Variants in DENND2B observed in about 807,000 individuals in gnomAD.
DENND2B encodes DENN domain containing 2B, also known as DENN domain-containing protein 2B.
In DENND2B, 32 loss-of-function variants were observed where a neutral mutation model predicts 116.0. The ratio of observed to expected loss-of-function variants is 0.28; its 90% CI spans 0.21 to 0.37. The LOEUF (loss-of-function observed/expected upper bound fraction) is 0.37, where lower values mean the gene tolerates loss of function less well. Ranked by LOEUF, DENND2B falls within the 10% of genes least tolerant of loss-of-function variation. DENND2B has a pLI of 1.00. For missense variants in DENND2B, 1,276 were observed against 1,477.7 expected (o/e 0.86, Z 2.24); for synonymous variants, 588 against 583.9 (o/e 1.01, Z -0.10).
At chr11:8,896,811 T>C (rs965953353) in intron 1 of DENND2B, among the ~76,000 whole-genome samples, 4 of 152,282 alleles carry the variant, frequency 2.6e-5, no homozygotes, top group African/African-American at 7.2e-5. Context: ...TAAGATACGA[T>C]GTTTTCAGAT....
Position 8,698,994 on chromosome 11 carries a change from G to A in DENND2B, c.2899-20C>T. 6.2e-7 allele frequency: 1 copy of A among 1,613,970 alleles called. No homozygotes were observed. Among genetic ancestry groups the A allele is most frequent in the Non-Finnish European group, 8.5e-7 (1 of 1,179,944 alleles). On this transcript the variant is annotated intron_variant, in intron 15 of 19. Coordinates refer to ENST00000313726, the MANE Select transcript of DENND2B (RefSeq NM_213618.2). ...CAGCGCCTGAGAAAAGGAGTCATTA[G>A]CAGAGTGGCTCAGGGCATGAGTCCC...
At chr11:8,701,347 G>T (rs1372338031) in intron 14 of DENND2B, among the ~76,000 whole-genome samples, 3 of 44,402 alleles carry the variant, frequency 6.8e-5, no homozygotes, top group Non-Finnish European at 1.6e-4. Flanking sequence ...CAGCTTCCGG[G>T]GGGGGGGGGG....
chr11:8,722,124 G>A (rs1396750237), intron 4 of DENND2B, among the ~76,000 whole-genome samples: 3 of 152,206 alleles, frequency 2.0e-5, no homozygotes, highest in Admixed American at 6.5e-5. Flanking sequence ...CTTTCTTTCC[G>A]AACTCCTTTT....
chr11:8,724,253 A>G (rs1000880724), intron 4 of DENND2B, among the ~76,000 whole-genome samples: 36 of 151,480 alleles, frequency 2.4e-4, no homozygotes, highest in Non-Finnish European at 4.9e-4. Flanking sequence ...CCGAGATCGC[A>G]CCACTGCACT....
chr11:8,820,905 T>C (rs1194306484), intron 4 of DENND2B, among the ~76,000 whole-genome samples: 1 of 152,054 alleles, frequency 6.6e-6, no homozygotes, highest in African/African-American at 2.4e-5. Flanking sequence ...GTGGATCACT[T>C]GAGGTCAGGA....
intron 2 of DENND2B, among the ~76,000 whole-genome samples, chr11:8,749,130 T>C (rs2051859408): frequency 6.6e-6 from 1 of 152,166 alleles, no homozygotes; most frequent in African/African-American, 2.4e-5. Flanking sequence ...AGCTCAATCA[T>C]GGTAAGAATG....
chr11:8,792,886 C>T (rs924315631), intron 1 of DENND2B, among the ~76,000 whole-genome samples: 7 of 152,208 alleles, frequency 4.6e-5, no homozygotes, highest in African/African-American at 1.2e-4. Context: ...TTATAATGAG[C>T]ACACCCTTTG....
chr11:8,803,375 ACT>A (rs933875465), intron 1 of DENND2B, among the ~76,000 whole-genome samples: 1 of 152,156 alleles, frequency 6.6e-6, no homozygotes, highest in Non-Finnish European at 1.5e-5. Flanking sequence ...ACCGAGCGAG[ACT>A]CTGTCTCAAA....
chr11:8,786,818 A>G (rs2058950599), intron 1 of DENND2B, among the ~76,000 whole-genome samples: 1 of 152,064 alleles, frequency 6.6e-6, no homozygotes. Flanking sequence ...CAATGTCTCA[A>G]AGAAAACAAA....
chr11:8,877,100 CTT>C (rs71059191), intron 2 of DENND2B, among the ~76,000 whole-genome samples: 1 of 93,074 alleles, frequency 1.1e-5, no homozygotes. Flanking sequence ...CTTGAAGATA[CTT>C]TTTTTTTTTT....
rs886599612 is a variant in DENND2B at position 8,712,113 on chromosome 11, G to A, written c.2172+438C>T. 5.0e-6 allele frequency: 2 copies of A among 401,556 alleles called. No individual in the cohort carries two copies. Among genetic ancestry groups the A allele is most frequent in the African/African-American group, 4.1e-5 (2 of 48,596 alleles). The allele number at this position is 401,556 out of a possible 1,614,324, so 24.9% of individuals were successfully genotyped here. Reference sequence around the variant, plus strand: ...GGGAGGCCAGGCTGGCTGGCGACAAGCAGGGAAGGCGGAGTGAGAGACAGG... The same window carrying A: ...GGGAGGCCAGGCTGGCTGGCGACAAACAGGGAAGGCGGAGTGAGAGACAGG... On this transcript the variant is annotated intron_variant, in intron 9 of 19. Coordinates refer to ENST00000313726, the MANE Select transcript of DENND2B (RefSeq NM_213618.2). The surrounding 1 kb of genome is among the most constrained non-coding windows in gnomAD (Gnocchi z 4.4).
At chr11:8,882,363 C>T (rs1391601754) in intron 1 of DENND2B, among the ~76,000 whole-genome samples, 2 of 152,238 alleles carry the variant, frequency 1.3e-5, no homozygotes, top group Admixed American at 6.5e-5. Context: ...GGATTACTCT[C>T]TCCCTTGGCA....
rs1486519446 is a variant in DENND2B, at chr11:8,750,628, G to A, written c.73C>T (p.Leu25=). The A allele has an allele frequency of 1.2e-6, 2 of 1,613,970 alleles. No individual in the cohort carries two copies. The highest frequency in any genetic ancestry group is 1.7e-6 in the Non-Finnish European group (2 of 1,180,002). The part of the protein sequence containing the change: ...AGGTKAPRGT[L]SRSQSVSPPP... Reference sequence around the variant, plus strand: ...AAGTGCTCCCTTACCCACCTGCTCAGAGTCCCCCGAGGGGCTTTAGTGCCA... The same window carrying A: ...AAGTGCTCCCTTACCCACCTGCTCAAAGTCCCCCGAGGGGCTTTAGTGCCA... The change falls in exon 2 of 20, where the codon CTG becomes TTG. Residue 25 remains leucine (L), a synonymous_variant. Coordinates refer to ENST00000313726, the MANE Select transcript of DENND2B (RefSeq NM_213618.2).
chr11:8,751,047 A>G (rs2052353059), intron 1 of DENND2B, among the ~76,000 whole-genome samples: 1 of 151,996 alleles, frequency 6.6e-6, no homozygotes, highest in Admixed American at 6.6e-5. Flanking sequence ...GGCACTCTGT[A>G]TCTAGCTAAT....
At chr11:8,749,661 T>C (rs1165952072) in intron 2 of DENND2B, among the ~76,000 whole-genome samples, 3 of 152,166 alleles carry the variant, frequency 2.0e-5, no homozygotes, top group Non-Finnish European at 4.4e-5. Context: ...CCAGACCCTA[T>C]TGGACTCAGC....
chr11:8,702,705 G>A lies in DENND2B; in HGVS notation c.2587C>T (p.Arg863Trp), dbSNP rs767011845. The A allele has an allele frequency of 5.6e-6, 9 of 1,613,226 alleles. No individual in the cohort carries two copies. In the African/African-American group the frequency reaches 8.0e-5, roughly 14 times the overall value. Residue 863 changes from arginine to tryptophan, a missense_variant, in exon 14 of 20, where the codon CGG (arginine) becomes TGG (tryptophan). Arg to Trp is a moderately radical substitution (Grantham distance 101). Around this residue, in one of 2 missense-constraint regions of DENND2B, gnomAD observed 420 missense variants for 631.1 expected, o/e 0.67. Coordinates refer to ENST00000313726, the MANE Select transcript of DENND2B (RefSeq NM_213618.2). This position sits in a 1 kb window ranked among gnomAD's most constrained non-coding sequence, Gnocchi z 4.6. ...TGCTCCAGCCTTGAGTCCATGGGCC[G>A]CCGCAGCTCTAACACCTGCAGGAGA... ...GAGNEVLELR[R>W]PMDSRLEHVD...
intron 2 of DENND2B, among the ~76,000 whole-genome samples, chr11:8,866,804 A>G (rs2063596150): frequency 6.6e-6 from 1 of 152,208 alleles, no homozygotes; most frequent in Non-Finnish European, 1.5e-5. Flanking sequence ...GAGGGGTCAC[A>G]TTCCTCAGAG....
intron 1 of DENND2B, among the ~76,000 whole-genome samples, chr11:8,904,297 A>G (rs966882706): frequency 2.0e-5 from 3 of 152,236 alleles, no homozygotes; most frequent in East Asian, 1.9e-4. Flanking sequence ...ATCAATGGAC[A>G]TACAAAAAAC....
At chr11:8,740,790 G>A (rs1369475465) in intron 2 of DENND2B, among the ~76,000 whole-genome samples, 1 of 152,208 alleles carries the variant, frequency 6.6e-6, no homozygotes, top group African/African-American at 2.4e-5. Context: ...TAAGGGCCCT[G>A]TTGGCTTGGT....
Sources: allele counts gnomAD v4.1 joint callset (sites outside exome capture counted in the v4.1 genomes callset), GRCh38; gene constraint gnomAD v4.1.1; regional missense constraint gnomAD v4.1.1; non-coding constraint Gnocchi (gnomAD v3.1); transcripts MANE v1.5; gene names NCBI Gene and HGNC (gene_info 2026-07-23, HGNC 2026-07-21).